FRMD4B: variants seen among roughly 807,000 people sequenced by gnomAD.
FRMD4B encodes the protein FERM domain containing 4B.
Under a neutral mutation model 141.5 loss-of-function variants are expected in FRMD4B, and 74 were observed. That is an observed-to-expected ratio of 0.52 (90% CI 0.43 to 0.63). FRMD4B has a LOEUF of 0.63. FRMD4B is among the 30% of genes least tolerant of loss of function. FRMD4B has a pLI of 0.00. For missense variants in FRMD4B, 1,366 were observed against 1,253.4 expected, an observed-to-expected ratio of 1.09 and a Z score of -1.36; for synonymous variants, 506 against 467.9, an observed-to-expected ratio of 1.08 and a Z score of -1.05.
intron 7 of FRMD4B, among the ~76,000 whole-genome samples, chr3:69,239,007 T>C (rs563148902): frequency 5.6e-4 from 85 of 152,302 alleles, no homozygotes; most frequent in African/African-American, 2.0e-3. Context: ...AATTCCAATT[T>C]AACTGGGCGT....
Position 69,325,422 on chromosome 3 carries a change from G to A in FRMD4B, c.163-11905C>T, listed in dbSNP as rs1702160018. Among the ~76,000 whole-genome samples the A allele has an allele frequency of 2.0e-5, 3 of 152,168 alleles. No individual in the cohort carries two copies. In the South Asian group the frequency reaches 6.2e-4, roughly 31 times the overall value. On this transcript the variant is annotated intron_variant, in intron 1 of 22. Coordinates refer to ENST00000398540, the MANE Select transcript of FRMD4B (RefSeq NM_015123.3). ...ATCAGATTCTAGCCTGATCTGATAA[G>A]TCTGGTGAAAAGAAAAGCCAGGTTT...
intron 5 of FRMD4B, among the ~76,000 whole-genome samples, chr3:69,266,843 A>G (rs1311022571): frequency 6.6e-6 from 1 of 152,214 alleles, no homozygotes; most frequent in African/African-American, 2.4e-5. Context: ...CAAAGTGTCA[A>G]TTCCAGAAAA....
At chr3:69,227,298 A>T (rs905120302) in intron 7 of FRMD4B, among the ~76,000 whole-genome samples, 1 of 152,168 alleles carries the variant, frequency 6.6e-6, no homozygotes, top group African/African-American at 2.4e-5. Context: ...AATCACTGAG[A>T]AGCAACTAAA....
chr3:69,475,422 G>C lies in FRMD4B; in HGVS notation c.-128-42661C>G, dbSNP rs1032427176. On this transcript the variant is annotated intron_variant, in intron 1 of 5. Transcript: ENST00000459638. The stretch of plus-strand genomic sequence containing the variant: ...CTTCCGGTGTCCATGTGTTCTCACT[G>C]TTCAATTCCCACCTATGAGTGAGAA... Among the ~76,000 whole-genome samples, 6 of 143,172 alleles carry C rather than the reference G, an allele frequency of 4.2e-5. No homozygotes were observed. In the Admixed American group the frequency reaches 4.6e-4, roughly 11 times the overall value. 93.9% of individuals were successfully genotyped at this position (143,172 alleles called of 152,430 possible). A position where few individuals can be genotyped will look rare whatever the true frequency, so the allele number is the denominator to read the frequency against.
intron 1 of FRMD4B, among the ~76,000 whole-genome samples, chr3:69,339,561 TCA>T (rs1011174445): frequency 6.6e-6 from 1 of 151,876 alleles, no homozygotes. Flanking sequence ...ACCAAACCTG[TCA>T]CAGGAATGAT....
intron 1 of FRMD4B, among the ~76,000 whole-genome samples, chr3:69,518,675 T>G (rs1056532819): frequency 6.6e-6 from 1 of 152,192 alleles, no homozygotes; most frequent in Non-Finnish European, 1.5e-5. Flanking sequence ...CTGACCAAGC[T>G]AGACCAACCC....
chr3:69,418,094 T>C (rs1031219439), intron 2 of FRMD4B, among the ~76,000 whole-genome samples: 1 of 152,220 alleles, frequency 6.6e-6, no homozygotes, highest in African/African-American at 2.4e-5. Flanking sequence ...GATGTATATA[T>C]ATGGTAACAT....
chr3:69,518,060 TG>T (rs1700793927), intron 1 of FRMD4B, among the ~76,000 whole-genome samples: 1 of 152,160 alleles, frequency 6.6e-6, no homozygotes, highest in South Asian at 2.1e-4. Flanking sequence ...ATCTGAGCTC[TG>T]GGCTACTCCT....
intron 19 of FRMD4B, among the ~76,000 whole-genome samples, chr3:69,185,367 G>T (rs945228181): frequency 2.7e-5 from 4 of 150,360 alleles, no homozygotes; most frequent in Non-Finnish European, 5.9e-5. Context: ...ATTTTCATAA[G>T]TCACAATTTA....
chr3:69,510,817 A>G (rs1483865071), intron 1 of FRMD4B, among the ~76,000 whole-genome samples: 2 of 152,214 alleles, frequency 1.3e-5, no homozygotes, highest in Admixed American at 6.5e-5. Context: ...TTCTGTCATC[A>G]TGCCCAGTTT....
intron 7 of FRMD4B, among the ~76,000 whole-genome samples, chr3:69,232,931 T>C (rs1575638552): frequency 8.4e-6 from 1 of 118,676 alleles, no homozygotes; most frequent in Non-Finnish European, 1.7e-5. Context: ...TTTTTTTTTT[T>C]GGTAGGGATG....
intron 1 of FRMD4B, among the ~76,000 whole-genome samples, chr3:69,331,723 GC>G (rs1231388033): frequency 6.6e-6 from 1 of 152,064 alleles, no homozygotes; most frequent in Non-Finnish European, 1.5e-5. Flanking sequence ...TGTATAAAAT[GC>G]TTGGCAGAGG....
intron 2 of FRMD4B, among the ~76,000 whole-genome samples, chr3:69,426,759 G>A (rs1364696416): frequency 6.6e-6 from 1 of 152,054 alleles, no homozygotes; most frequent in Non-Finnish European, 1.5e-5. Flanking sequence ...GAAAACACAG[G>A]GTCTATGGGA....
At chr3:69,262,552 C>CAGTGG (rs2093534949) in intron 5 of FRMD4B, among the ~76,000 whole-genome samples, 1 of 149,026 alleles carries the variant, frequency 6.7e-6, no homozygotes, top group African/African-American at 2.5e-5. Context: ...CATCGCCTCC[C>CAGTGG]AGGTTCAAGT....
rs2092778198 is a variant in FRMD4B, at chr3:69,187,302, T to G, written c.1919+468A>C. On this transcript the variant is annotated intron_variant, in intron 19 of 22. Transcript: ENST00000398540. The stretch of plus-strand genomic sequence containing the variant: ...GGCTCAAACTTGTAATCCCAGCACT[T>G]TGGGAGGCCGAGGCAGGCAGATCAC... 2.0e-5 allele frequency among the ~76,000 whole-genome samples: 3 copies of G among 151,832 alleles called. No homozygotes were observed. The South Asian group carries it at 6.2e-4, about 32-fold the overall frequency.
At chr3:69,402,554 A>G (rs1173256251) in intron 2 of FRMD4B, among the ~76,000 whole-genome samples, 1 of 152,182 alleles carries the variant, frequency 6.6e-6, no homozygotes, top group African/African-American at 2.4e-5. Flanking sequence ...GAAGGGGAGG[A>G]TGTTTTGTTT....
At chr3:69,404,803 A>T (rs757127118) in intron 2 of FRMD4B, among the ~76,000 whole-genome samples, 2 of 152,000 alleles carry the variant, frequency 1.3e-5, no homozygotes, top group African/African-American at 4.8e-5. Context: ...AGAACCCCAG[A>T]CTCCACAGGA....
chr3:69,284,657 C>T (rs2093658968), intron 5 of FRMD4B, among the ~76,000 whole-genome samples: 1 of 152,124 alleles, frequency 6.6e-6, no homozygotes, highest in Non-Finnish European at 1.5e-5. Flanking sequence ...TGCCTACCAT[C>T]CTACCAAATA....
intron 3 of FRMD4B, among the ~76,000 whole-genome samples, chr3:69,309,726 T>C (rs1008221022): frequency 3.3e-5 from 5 of 151,260 alleles, no homozygotes; most frequent in African/African-American, 9.7e-5. Flanking sequence ...GGATTACAAG[T>C]GTGAACTATC....
Sources: allele counts gnomAD v4.1 joint callset (sites outside exome capture counted in the v4.1 genomes callset), GRCh38; gene constraint gnomAD v4.1.1; transcripts MANE v1.5; gene names NCBI Gene and HGNC (gene_info 2026-07-23, HGNC 2026-07-21).